PRPSAP1: variants seen among roughly 807,000 people sequenced by gnomAD.
The protein encoded by PRPSAP1 is phosphoribosyl pyrophosphate synthase-associated protein 1.
Under a neutral mutation model 39.4 loss-of-function variants are expected in PRPSAP1, and 31 were observed. The observed-to-expected ratio is 0.79, with a 90% CI of 0.59 to 1.06. The LOEUF (loss-of-function observed/expected upper bound fraction) is 1.06. PRPSAP1 is among the 50% of genes least tolerant of loss of function. The probability of loss-of-function intolerance (pLI) is 0.00; values close to 1 mark genes in which losing one functional copy is unlikely to be tolerated. For synonymous variants in PRPSAP1, 212 were observed against 192.6 expected, an observed-to-expected ratio of 1.10 and a Z score of -0.83; for missense variants, 430 against 511.6, an observed-to-expected ratio of 0.84 and a Z score of 1.54.
chr17:76,329,757 A>C (rs527983153), intron 6 of PRPSAP1, among the ~76,000 whole-genome samples: 10 of 152,136 alleles, frequency 6.6e-5, no homozygotes, highest in East Asian at 3.9e-4. Flanking sequence ...AAAAAAAAAA[A>C]CCATTGCTTG....
chr17:76,311,728 G>A (rs1040834851), intron 9 of PRPSAP1, 28 bp from the exon 10 acceptor site: 7 of 1,602,036 alleles, frequency 4.4e-6, no homozygotes, highest in South Asian at 1.1e-5. Flanking sequence ...GAAAACAAAC[G>A]CTGTTACTGA....
Position 76,313,947 on chromosome 17 carries a change from T to G in PRPSAP1, c.782-56A>C, listed in dbSNP as rs1037372782. The G allele has an allele frequency of 1.6e-5, 26 of 1,582,348 alleles. No individual in the cohort carries two copies. The South Asian group carries it at 2.9e-4, about 18-fold the overall frequency. Reference sequence around the variant, plus strand: ...AGTCATTCATGTATCACTAGAGAAATGTAATCACAACCTAATTCCCTGGAA... The same window carrying G: ...AGTCATTCATGTATCACTAGAGAAAGGTAATCACAACCTAATTCCCTGGAA... On this transcript the variant is annotated intron_variant, in intron 7 of 9. Transcript: ENST00000446526.
At chr17:76,339,681 T>A (rs1567807080) in intron 3 of PRPSAP1, among the ~76,000 whole-genome samples, 1 of 151,644 alleles carries the variant, frequency 6.6e-6, no homozygotes, top group African/African-American at 2.4e-5. Context: ...AGGGTTCTGG[T>A]TTTCAGAAGT....
At chr17:76,337,999 G>A (rs2071396954) in intron 3 of PRPSAP1, among the ~76,000 whole-genome samples, 1 of 151,202 alleles carries the variant, frequency 6.6e-6, no homozygotes, top group African/African-American at 2.5e-5. Flanking sequence ...TACTTCATAA[G>A]CTTCATATTT....
At chr17:76,332,028 T>C (rs779152506) in intron 4 of PRPSAP1, among the ~76,000 whole-genome samples, 3 of 152,094 alleles carry the variant, frequency 2.0e-5, no homozygotes, top group Admixed American at 6.6e-5. Flanking sequence ...ATAGAAAATA[T>C]GTGACAGATG....
intron 7 of PRPSAP1, 74 bp from the exon 8 acceptor site, chr17:76,313,965 C>A (rs899077996): frequency 1.1e-5 from 17 of 1,524,218 alleles, no homozygotes; most frequent in Admixed American, 3.5e-5. Context: ...CAACCTAATT[C>A]CCTGGAAATG....
chr17:76,313,511 C>T (rs1051112939), intron 8 of PRPSAP1: 1 of 348,160 alleles, frequency 2.9e-6, no homozygotes, highest in Non-Finnish European at 5.3e-6. Flanking sequence ...ATCTTCAGTT[C>T]ATCTTTCGGC....
chr17:76,336,453 C>T (rs1317888985), intron 3 of PRPSAP1, among the ~76,000 whole-genome samples: 2 of 130,456 alleles, frequency 1.5e-5, no homozygotes, highest in African/African-American at 5.5e-5. Flanking sequence ...AAAAAAAAGG[C>T]CAGGCACGGT....
intron 7 of PRPSAP1, among the ~76,000 whole-genome samples, chr17:76,325,502 T>TC (rs777088083): frequency 9.5e-5 from 13 of 137,092 alleles, no homozygotes; most frequent in Non-Finnish European, 1.7e-4. Context: ...CCACAGCCCA[T>TC]CCCAACTTTC....
At chr17:76,317,101 C>T (rs2071132607) in intron 7 of PRPSAP1, among the ~76,000 whole-genome samples, 1 of 152,362 alleles carries the variant, frequency 6.6e-6, no homozygotes, top group African/African-American at 2.4e-5. Context: ...TGATGGCTCA[C>T]GCCTGTGATC....
At chr17:76,316,470 G>T (rs2071125170) in intron 7 of PRPSAP1, among the ~76,000 whole-genome samples, 1 of 152,062 alleles carries the variant, frequency 6.6e-6, no homozygotes, top group African/African-American at 2.4e-5. Context: ...TCTGGTGGCT[G>T]CCACAAAACA....
intron 7 of PRPSAP1, among the ~76,000 whole-genome samples, chr17:76,326,947 T>C (rs751388899): frequency 1.3e-5 from 2 of 151,342 alleles, no homozygotes; most frequent in Non-Finnish European, 2.9e-5. Context: ...AAAAACCCCA[T>C]GTATATAAAT....
At chr17:76,313,772 C>T (rs2143447962) in intron 8 of PRPSAP1, 49 bp downstream of exon 8, 1 of 1,599,612 alleles carries the variant, frequency 6.3e-7, no homozygotes, top group East Asian at 2.2e-5. Context: ...AACCTACTGA[C>T]CAAGAGCCAG....
At chr17:76,342,722 T>TAA (rs1216047984) in intron 3 of PRPSAP1, among the ~76,000 whole-genome samples, 27 of 120,488 alleles carry the variant, frequency 2.2e-4, no homozygotes, top group African/African-American at 8.3e-4. Flanking sequence ...TGTCTCAAAT[T>TAA]AAAAAAAAAA....
At chr17:76,345,171 C>T (rs541773239) in intron 2 of PRPSAP1, among the ~76,000 whole-genome samples, 188 of 142,056 alleles carry the variant, frequency 1.3e-3, no homozygotes, top group African/African-American at 4.6e-3. Flanking sequence ...GGAGGCAGAG[C>T]TTGCAGTGAG....
At chr17:76,353,438 A>AGGAGGTGGGGCGGGT (rs1357979405) in intron 1 of PRPSAP1, 96 bp downstream of exon 1, 1 of 1,201,356 alleles carries the variant, frequency 8.3e-7, no homozygotes, top group South Asian at 1.7e-5. Context: ...CCCCAGGTGC[A>AGGAGGTGGGGCGGGT]GGAGGTGGGG....
intron 7 of PRPSAP1, among the ~76,000 whole-genome samples, chr17:76,320,686 C>T (rs1455862070): frequency 1.3e-5 from 2 of 150,904 alleles, no homozygotes; most frequent in Non-Finnish European, 3.0e-5. Context: ...GCACCCACCT[C>T]GGCCTCCCAA....
At chr17:76,329,967 C>T in intron 6 of PRPSAP1, 76 bp downstream of exon 6, 1 of 1,417,786 alleles carries the variant, frequency 7.1e-7, no homozygotes, top group South Asian at 1.2e-5. Context: ...GAGTGACAGC[C>T]TCTGGATTCC....
intron 4 of PRPSAP1, 104 bp from the exon 5 acceptor site, chr17:76,330,770 A>G: frequency 3.0e-6 from 2 of 658,398 alleles, no homozygotes; most frequent in South Asian, 4.0e-5. Context: ...AGCAGACTGA[A>G]GACGGGGTAC....
Sources: gnomAD v4.1 joint callset for allele counts (sites outside exome capture counted in the v4.1 genomes callset) on GRCh38, gnomAD v4.1.1 for gene constraint, MANE v1.5 for transcripts, NCBI Gene and HGNC (gene_info 2026-07-23, HGNC 2026-07-21) for gene names.